Variants in PARD3 observed in about 807,000 individuals in gnomAD.
PARD3 encodes the protein partitioning defective 3 homolog.
A neutral mutation model predicts 155.4 loss-of-function variants in PARD3; 75 were observed. That is an observed-to-expected ratio of 0.48 (90% CI 0.40 to 0.58). The LOEUF (loss-of-function observed/expected upper bound fraction) is 0.58. PARD3 is among the 20% of genes least tolerant of loss of function. PARD3 has a pLI of 0.00. For synonymous variants in PARD3, 576 were observed against 610.5 expected (o/e 0.94, Z 0.83); for missense variants, 1,642 against 1,721.7 (o/e 0.95, Z 0.82).
chr10:34,438,038 C>T (rs568853074), intron 5 of PARD3, among the ~76,000 whole-genome samples: 1 of 152,304 alleles, frequency 6.6e-6, no homozygotes, highest in South Asian at 2.1e-4. Context: ...CCCCCTCACT[C>T]CCTCTACAAA....
rs2076988585 is a variant in PARD3, at chr10:34,450,297, A to G, written c.714+20T>C. 1 of 1,609,244 alleles carries G rather than the reference A, an allele frequency of 6.2e-7. No homozygotes were observed. Among genetic ancestry groups the G allele is most frequent in the Non-Finnish European group, 8.5e-7 (1 of 1,178,110 alleles). On this transcript the variant is annotated intron_variant, in intron 5 of 24. Transcript: ENST00000374788. ...AGGATGTTACAGCAATGACGCACAT[A>G]TAAGGATTTGTCATGTTACCTGTTC...
chr10:34,441,864 G>A (rs922755680), intron 5 of PARD3, among the ~76,000 whole-genome samples: 1 of 152,080 alleles, frequency 6.6e-6, no homozygotes, highest in Non-Finnish European at 1.5e-5. Flanking sequence ...ATCTGCTACT[G>A]GCGTTAATAT....
intron 1 of PARD3, among the ~76,000 whole-genome samples, chr10:34,801,879 T>C (rs781200461): frequency 3.2e-4 from 49 of 152,180 alleles, no homozygotes; most frequent in Non-Finnish European, 6.2e-4. Context: ...ACAGATTATC[T>C]ATTTGAGCTC....
At chr10:34,564,501 G>A (rs1490683185) in intron 2 of PARD3, among the ~76,000 whole-genome samples, 3 of 152,178 alleles carry the variant, frequency 2.0e-5, no homozygotes, top group Non-Finnish European at 4.4e-5. Context: ...AGCAATCTTC[G>A]GAGGGTTTTG....
intron 2 of PARD3, chr10:34,676,152 A>C: frequency 6.6e-6 from 1 of 152,358 alleles, no homozygotes; most frequent in Non-Finnish European, 1.5e-5. Context: ...CTCTTGACAA[A>C]TCTCAGAGGT....
At chr10:34,743,750 C>T (rs760959981) in intron 1 of PARD3, among the ~76,000 whole-genome samples, 3 of 152,188 alleles carry the variant, frequency 2.0e-5, no homozygotes, top group Non-Finnish European at 2.9e-5. Flanking sequence ...TGCACATCGG[C>T]TGTCTAAAAT....
chr10:34,213,312 T>G (rs1951843679), intron 22 of PARD3, among the ~76,000 whole-genome samples: 1 of 152,146 alleles, frequency 6.6e-6, no homozygotes, highest in South Asian at 2.1e-4. Flanking sequence ...TGCTGGGAAC[T>G]AATCCACTCC....
At chr10:34,172,398 C>T (rs1459174041) in intron 22 of PARD3, among the ~76,000 whole-genome samples, 1 of 152,142 alleles carries the variant, frequency 6.6e-6, no homozygotes, top group Non-Finnish European at 1.5e-5. Context: ...AGAGATTAAA[C>T]ACCCACCTTC....
chr10:34,437,682 C>T (rs531746644), intron 5 of PARD3, among the ~76,000 whole-genome samples: 1 of 152,124 alleles, frequency 6.6e-6, no homozygotes, highest in Non-Finnish European at 1.5e-5. Context: ...AAATTTTAAA[C>T]AGCTAAAATC....
chr10:34,761,067 CAAAAAA>C (rs1014042185), intron 1 of PARD3, among the ~76,000 whole-genome samples: 14 of 149,540 alleles, frequency 9.4e-5, no homozygotes, highest in African/African-American at 3.2e-4. Flanking sequence ...CAACCAAAAA[CAAAAAA>C]AAAGTGGGGT....
At position 34,632,207 on chromosome 10, in the gene PARD3, C is replaced by T. The variant is rs1326482431; in HGVS notation, c.222+64111G>A. The stretch of plus-strand genomic sequence containing the variant: ...CCAAGAGGCGGAGATTGCAGTGAGC[C>T]GAGATTGCGCCACTACACTCCAGCC... On this transcript the variant is annotated intron_variant, in intron 2 of 24. Transcript: ENST00000374788. Among the ~76,000 whole-genome samples the T allele has an allele frequency of 2.6e-5, 4 of 152,154 alleles. No individual in the cohort carries two copies. In the East Asian group the frequency reaches 5.8e-4, roughly 22 times the overall value.
rs200637507 is a variant in PARD3 at position 34,673,984 on chromosome 10, C to CAA, written c.222+22332_222+22333dup. Among the ~76,000 whole-genome samples, 180 of 117,166 alleles carry CAA rather than the reference C, an allele frequency of 1.5e-3. 10 individuals are homozygous for CAA. The highest frequency in any genetic ancestry group is 1.8e-3 in the Admixed American group (20 of 11,386). The allele number at this position is 117,166 out of a possible 152,430, so 76.9% of individuals were successfully genotyped here. A position where few individuals can be genotyped will look rare whatever the true frequency, so the allele number is the denominator to read the frequency against. ...TGGAAGACAGAGCGAGAGTCTGCAT[C>CAA]AAAAAAAAAAAAACAAACAAACAGG... is the stretch of plus-strand genomic sequence containing the variant. On this transcript the variant is annotated intron_variant, in intron 2 of 24. Transcript: ENST00000374788.
At chr10:34,450,206 T>C in intron 5 of PARD3, 111 bp downstream of exon 5, 3 of 1,010,996 alleles carry the variant, frequency 3.0e-6, no homozygotes, top group South Asian at 3.4e-5. Context: ...TAAAGTTTGT[T>C]AGAATAATTA....
chr10:34,225,379 C>T (rs1451675695), intron 22 of PARD3, among the ~76,000 whole-genome samples: 1 of 150,696 alleles, frequency 6.6e-6, no homozygotes, highest in Non-Finnish European at 1.5e-5. Context: ...GAGTTTCACT[C>T]TTGTTGCCCA....
chr10:34,612,830 C>T (rs1480662852), intron 2 of PARD3, among the ~76,000 whole-genome samples: 1 of 152,060 alleles, frequency 6.6e-6, no homozygotes, highest in East Asian at 1.9e-4. Context: ...ACTTACTTGC[C>T]TGTGAAATAA....
At chr10:34,531,974 G>A (rs569435915) in intron 2 of PARD3, among the ~76,000 whole-genome samples, 19 of 152,094 alleles carry the variant, frequency 1.2e-4, no homozygotes, top group African/African-American at 4.6e-4. Context: ...CACAACACTC[G>A]AGCTCACTGC....
intron 3 of PARD3, among the ~76,000 whole-genome samples, chr10:34,507,549 A>AAAAAAAAAAAC (rs2081152050): frequency 2.8e-5 from 3 of 107,816 alleles, no homozygotes; most frequent in Admixed American, 9.1e-5. Context: ...TTAAAAAAAC[A>AAAAAAAAAAAC]AAAAAAAAAA....
intron 1 of PARD3, among the ~76,000 whole-genome samples, chr10:34,716,592 T>TTTC (rs2094524530): frequency 7.1e-6 from 1 of 141,242 alleles, no homozygotes; most frequent in Non-Finnish European, 1.5e-5. Flanking sequence ...TTTCTTTTTT[T>TTTC]TTTTTTTTTT....
At chr10:34,795,543 T>C (rs761050478) in intron 1 of PARD3, among the ~76,000 whole-genome samples, 10 of 151,896 alleles carry the variant, frequency 6.6e-5, no homozygotes, top group Non-Finnish European at 1.3e-4. Flanking sequence ...GCCCAGCATT[T>C]TGAGGCTGTA....
Sources: allele counts gnomAD v4.1 joint callset (sites outside exome capture counted in the v4.1 genomes callset), GRCh38; gene constraint gnomAD v4.1.1; transcripts MANE v1.5; gene names NCBI Gene and HGNC (gene_info 2026-07-23, HGNC 2026-07-21).